The following CRPPA variants were observed in gnomAD, a reference collection of about 807,000 sequenced individuals.
The protein encoded by CRPPA is D-ribitol-5-phosphate cytidylyltransferase.
Under a neutral mutation model 52.0 loss-of-function variants are expected in CRPPA, and 43 were observed. The ratio of observed to expected loss-of-function variants is 0.83; its 90% confidence interval spans 0.65 to 1.07. The LOEUF (loss-of-function observed/expected upper bound fraction) is 1.07. Ranked by LOEUF, CRPPA falls within the 50% of genes least tolerant of loss-of-function variation. The pLI is 0.00. For missense variants in CRPPA, 629 were observed against 551.7 expected, an observed-to-expected ratio of 1.14 and a Z score of -1.40; for synonymous variants, 250 against 203.5, an observed-to-expected ratio of 1.23 and a Z score of -1.94.
intron 9 of CRPPA, among the ~76,000 whole-genome samples, chr7:16,146,486 T>C (rs2128377523): frequency 6.6e-6 from 1 of 152,286 alleles, no homozygotes; most frequent in African/African-American, 2.4e-5. Flanking sequence ...AGAATATTAA[T>C]ATTGTAATGG....
At chr7:16,255,040 C>T (rs1783597736) in intron 8 of CRPPA, among the ~76,000 whole-genome samples, 1 of 152,058 alleles carries the variant, frequency 6.6e-6, no homozygotes, top group South Asian at 2.1e-4. Context: ...ATTTAGAAAA[C>T]CCCATCATGT....
At chr7:16,114,295 TAC>T (rs140597697) in intron 9 of CRPPA, among the ~76,000 whole-genome samples, 100 of 146,986 alleles carry the variant, frequency 6.8e-4, no homozygotes, top group African/African-American at 8.8e-4. Context: ...CACGCACACA[TAC>T]ACACACACAC....
intron 9 of CRPPA, among the ~76,000 whole-genome samples, chr7:16,186,560 G>C (rs551094777): frequency 1.3e-5 from 2 of 152,050 alleles, no homozygotes; most frequent in Admixed American, 6.6e-5. Flanking sequence ...AAGACAGAGG[G>C]GGAATAGAAT....
Position 16,341,014 on chromosome 7 carries a change from T to C in CRPPA, c.685-32387A>G, listed in dbSNP as rs534433164. On this transcript the variant is annotated intron_variant, in intron 3 of 9. Transcript: ENST00000407010. The stretch of plus-strand genomic sequence containing the variant: ...CATCCAATCTGAAAAGGTTATATAC[T>C]GTGTGATTCCAACTATAATATTCTG... 5.9e-5 allele frequency among the ~76,000 whole-genome samples: 9 copies of C among 152,264 alleles called. No individual in the cohort carries two copies. The South Asian group carries it at 1.9e-3, about 32-fold the overall frequency.
intron 9 of CRPPA, among the ~76,000 whole-genome samples, chr7:16,152,502 T>A (rs1459130013): frequency 6.6e-6 from 1 of 151,990 alleles, no homozygotes; most frequent in Admixed American, 6.6e-5. Flanking sequence ...AAAGTGTCAT[T>A]CCCATTGTTT....
chr7:16,193,015 A>G (rs1374184085), intron 9 of CRPPA, among the ~76,000 whole-genome samples: 1 of 152,094 alleles, frequency 6.6e-6, no homozygotes, highest in Non-Finnish European at 1.5e-5. Flanking sequence ...TTCTTTTAAA[A>G]ATTACAGCTA....
intron 5 of CRPPA, among the ~76,000 whole-genome samples, chr7:16,282,971 C>G (rs573437359): frequency 6.6e-6 from 1 of 152,164 alleles, no homozygotes; most frequent in African/African-American, 2.4e-5. Context: ...CAACTGGTTG[C>G]ACATCAGAAT....
chr7:16,170,984 C>T (rs189040669), intron 9 of CRPPA, among the ~76,000 whole-genome samples: 70 of 152,312 alleles, frequency 4.6e-4, no homozygotes, highest in Non-Finnish European at 9.0e-4. Context: ...AGAGGGAAGC[C>T]GGCTCCAGCC....
intron 2 of CRPPA, among the ~76,000 whole-genome samples, chr7:16,395,218 C>T (rs973547027): frequency 6.6e-6 from 1 of 152,132 alleles, no homozygotes; most frequent in African/African-American, 2.4e-5. Flanking sequence ...GCTAATCTAT[C>T]ACCATATTTC....
At chr7:16,340,642 C>G (rs1003199344) in intron 3 of CRPPA, among the ~76,000 whole-genome samples, 17 of 150,600 alleles carry the variant, frequency 1.1e-4, no homozygotes, top group African/African-American at 4.1e-4. Flanking sequence ...AAACCAAAAC[C>G]TCTCATTGTT....
Position 16,421,348 on chromosome 7 carries a change from G to A in CRPPA, c.-26C>T. The A allele has an allele frequency of 1.6e-6, 2 of 1,235,502 alleles. No individual in the cohort carries two copies. The highest frequency in any genetic ancestry group is 3.6e-5 in the South Asian group (1 of 27,558). The allele number at this position is 1,235,502 out of a possible 1,614,324, so 76.5% of individuals were successfully genotyped here. A position where few individuals can be genotyped will look rare whatever the true frequency, so the allele number is the denominator to read the frequency against. On this transcript the variant is annotated 5_prime_UTR_variant, in exon 1 of 10. Coordinates refer to ENST00000407010, the MANE Select transcript of CRPPA (RefSeq NM_001101426.4). ...GGCTGCGGGCGGAACGGCGAGCCCC[G>A]CTAGCCTCGGGCCGATGCGACCCCG...
intron 3 of CRPPA, among the ~76,000 whole-genome samples, chr7:16,359,956 CTAT>C (rs987812590): frequency 7.2e-5 from 11 of 152,258 alleles, no homozygotes; most frequent in African/African-American, 2.6e-4. Flanking sequence ...AGTAACAACT[CTAT>C]TATTGTTGTT....
intron 9 of CRPPA, among the ~76,000 whole-genome samples, chr7:16,148,130 T>C (rs1322588262): frequency 1.3e-5 from 2 of 152,196 alleles, no homozygotes; most frequent in African/African-American, 2.4e-5. Context: ...ATGTTAAAAA[T>C]TGTTTTACAT....
intron 3 of CRPPA, among the ~76,000 whole-genome samples, chr7:16,312,726 G>C (rs1219365052): frequency 6.6e-6 from 1 of 151,888 alleles, no homozygotes; most frequent in Non-Finnish European, 1.5e-5. Flanking sequence ...CAGGTGTTCT[G>C]TGGATATTTT....
intron 8 of CRPPA, among the ~76,000 whole-genome samples, chr7:16,253,001 CTTT>C (rs1327696496): frequency 3.9e-5 from 6 of 152,032 alleles, no homozygotes; most frequent in Admixed American, 1.3e-4. Flanking sequence ...CTCTTTTCTT[CTTT>C]ATTAGTCTTG....
chr7:16,353,774 C>T (rs565162364), intron 3 of CRPPA, among the ~76,000 whole-genome samples: 14 of 151,966 alleles, frequency 9.2e-5, no homozygotes, highest in Non-Finnish European at 1.8e-4. Context: ...CACTTGAACC[C>T]GGGAGGCACA....
intron 8 of CRPPA, among the ~76,000 whole-genome samples, chr7:16,232,650 T>C (rs1160445107): frequency 6.6e-6 from 1 of 152,160 alleles, no homozygotes; most frequent in Non-Finnish European, 1.5e-5. Flanking sequence ...CCCTCAGTTG[T>C]GGGAAATAAT....
At chr7:16,183,051 G>C (rs1219800735) in intron 9 of CRPPA, among the ~76,000 whole-genome samples, 1 of 152,110 alleles carries the variant, frequency 6.6e-6, no homozygotes, top group African/African-American at 2.4e-5. Context: ...CAGAGCACCA[G>C]TTTCTCACCT....
In CRPPA at chr7:16,222,458, GA is replaced by G. The variant is rs1040489593; in HGVS notation, c.1120-6262del. On this transcript the variant is annotated intron_variant, in intron 8 of 9. Transcript: ENST00000407010. Reference sequence around the variant, plus strand: ...TTAAAGTATAATTAAAAAAAAAAAAGAAAAAAAGAAAAACCAAATGCTAATA... The same window carrying G: ...TTAAAGTATAATTAAAAAAAAAAAAGAAAAAAGAAAAACCAAATGCTAATA... Among the ~76,000 whole-genome samples the G allele has an allele frequency of 2.0e-3, 289 of 147,102 alleles. 1 individual carries two copies. Among genetic ancestry groups the G allele is most frequent in the Non-Finnish European group, 3.6e-3 (240 of 66,794 alleles).
Sources: gnomAD v4.1 joint callset for allele counts (sites outside exome capture counted in the v4.1 genomes callset) on GRCh38, gnomAD v4.1.1 for gene constraint, MANE v1.5 for transcripts, NCBI Gene and HGNC (gene_info 2026-07-23, HGNC 2026-07-21) for gene names.